Variants in PRUNE2 observed in about 807,000 individuals in gnomAD.
PRUNE2 encodes the protein protein prune homolog 2.
PRUNE2 carries 164 observed loss-of-function variants against 252.0 expected under a neutral mutation model. The observed-to-expected ratio is 0.65, with a 90% confidence interval of 0.57 to 0.74. The LOEUF is 0.74. PRUNE2 is among the 30% of genes least tolerant of loss of function. PRUNE2 has a pLI of 0.00. For missense variants in PRUNE2, 3,495 were observed against 3,711.0 expected (o/e 0.94, Z 1.51); for synonymous variants, 1,292 against 1,350.2 (o/e 0.96, Z 0.94).
rs1369870340 is a variant in PRUNE2, at chr9:76,611,896, G to T, written c.*2674C>A. On this transcript the variant is annotated 3_prime_UTR_variant, in exon 19 of 19. Coordinates refer to ENST00000376718, the MANE Select transcript of PRUNE2 (RefSeq NM_015225.3). ...AATGCTTTTGCCCCAATGACCCCTT[G>T]GTTCCCTTAACTACAGATCTATAGG... 2.0e-5 allele frequency: 3 copies of T among 152,564 alleles called. No individual in the cohort carries two copies. The highest frequency in any genetic ancestry group is 6.5e-5 in the Admixed American group (1 of 15,274). 9.5% of individuals were successfully genotyped at this position (152,564 alleles called of 1,614,324 possible).
chr9:76,860,201 C>G (rs943617008), intron 1 of PRUNE2, among the ~76,000 whole-genome samples: 1 of 152,148 alleles, frequency 6.6e-6, no homozygotes, highest in Non-Finnish European at 1.5e-5. Flanking sequence ...AGACCAGTTA[C>G]TTAGGTTTTA....
chr9:76,796,900 A>C (rs1219547850), intron 6 of PRUNE2, among the ~76,000 whole-genome samples: 1 of 152,212 alleles, frequency 6.6e-6, no homozygotes, highest in Admixed American at 6.5e-5. Context: ...TGAAACATTC[A>C]TTCTTCTTGG....
At chr9:76,791,119 T>G (rs930445322) in intron 6 of PRUNE2, among the ~76,000 whole-genome samples, 1 of 152,206 alleles carries the variant, frequency 6.6e-6, no homozygotes, top group Non-Finnish European at 1.5e-5. Context: ...GGCACAAACT[T>G]TCAGCTATGT....
In PRUNE2 at chr9:76,902,939, C is replaced by T. The variant is rs551941729; in HGVS notation, c.36+2989G>A. 8.5e-4 allele frequency among the ~76,000 whole-genome samples: 129 copies of T among 152,266 alleles called. 1 individual carries two copies. In the Middle Eastern group the frequency reaches 0.01, roughly 12 times the overall value. ...GATGGGATTATGTCAGTGAATCTGC[C>T]TCAATTTAAAGAGTAGTAGGGCCAG... On this transcript the variant is annotated intron_variant, in intron 1 of 18. Coordinates refer to ENST00000376718, the MANE Select transcript of PRUNE2 (RefSeq NM_015225.3).
chr9:76,866,120 G>A (rs1310167735), intron 1 of PRUNE2, among the ~76,000 whole-genome samples: 1 of 152,158 alleles, frequency 6.6e-6, no homozygotes, highest in Non-Finnish European at 1.5e-5. Context: ...AACATGACTT[G>A]CTATTAGTAC....
intron 6 of PRUNE2, among the ~76,000 whole-genome samples, chr9:76,822,284 T>C (rs1281499304): frequency 6.6e-6 from 1 of 152,218 alleles, no homozygotes; most frequent in Non-Finnish European, 1.5e-5. Context: ...AATGAGAACA[T>C]GCTCTGTAAA....
intron 2 of PRUNE2, among the ~76,000 whole-genome samples, chr9:76,853,519 T>C (rs1451895407): frequency 6.6e-6 from 1 of 152,208 alleles, no homozygotes; most frequent in South Asian, 2.1e-4. Context: ...CATCATATGC[T>C]TCACAGAATA....
At chr9:76,823,197 G>C (rs1403853233) in intron 6 of PRUNE2, 1 of 152,584 alleles carries the variant, frequency 6.6e-6, no homozygotes, top group Admixed American at 6.5e-5. Flanking sequence ...TTACCAAAAT[G>C]GCATGCATTC....
intron 9 of PRUNE2, among the ~76,000 whole-genome samples, chr9:76,696,274 C>T (rs511545): frequency 0.5 from 75,435 of 151,922 alleles, 20,242 homozygotes; most frequent in Middle Eastern, 0.67. Flanking sequence ...GTTAACTAAT[C>T]GTGCACAGGA....
At chr9:76,806,404 T>G (rs1004361640) in intron 6 of PRUNE2, among the ~76,000 whole-genome samples, 9 of 152,340 alleles carry the variant, frequency 5.9e-5, no homozygotes, top group South Asian at 2.1e-4. Flanking sequence ...GCAGAAAGAC[T>G]CTAAGGTTTT....
At chr9:76,828,094 A>G (rs1013092801) in intron 4 of PRUNE2, among the ~76,000 whole-genome samples, 1 of 152,226 alleles carries the variant, frequency 6.6e-6, no homozygotes, top group African/African-American at 2.4e-5. Context: ...ATAGCAGAGA[A>G]TAAGAAATAT....
At chr9:76,686,129 A>C (rs1218000045) in intron 9 of PRUNE2, among the ~76,000 whole-genome samples, 1 of 152,238 alleles carries the variant, frequency 6.6e-6, no homozygotes, top group Non-Finnish European at 1.5e-5. Context: ...TCATTTAACC[A>C]TCTCTTTTTC....
chr9:76,662,407 C>T (rs927019094), intron 9 of PRUNE2, among the ~76,000 whole-genome samples: 6 of 152,210 alleles, frequency 3.9e-5, no homozygotes, highest in African/African-American at 1.2e-4. Flanking sequence ...GAATGAAGGA[C>T]AACAAATGCA....
At chr9:76,836,301 C>T (rs1241907354) in intron 4 of PRUNE2, among the ~76,000 whole-genome samples, 1 of 150,820 alleles carries the variant, frequency 6.6e-6, no homozygotes, top group Non-Finnish European at 1.5e-5. Flanking sequence ...CCAACTTTAG[C>T]CACCATGACT....
chr9:76,835,368 A>G (rs1358672106), intron 4 of PRUNE2, among the ~76,000 whole-genome samples: 1 of 152,106 alleles, frequency 6.6e-6, no homozygotes, highest in Admixed American at 6.5e-5. Context: ...ACAGAGAGAA[A>G]GAGGGAGGAG....
intron 9 of PRUNE2, among the ~76,000 whole-genome samples, chr9:76,679,644 C>A (rs570312119): frequency 5.4e-4 from 82 of 152,092 alleles, no homozygotes; most frequent in African/African-American, 1.9e-3. Context: ...CTGGATGAGA[C>A]TCTAAAATAA....
At chr9:76,671,334 G>A (rs368502663) in intron 9 of PRUNE2, among the ~76,000 whole-genome samples, 10,302 of 148,180 alleles carry the variant, frequency 0.07, 469 homozygotes, top group South Asian at 0.11. Context: ...GAAATGAAGC[G>A]AGAAGGGAAG....
At chr9:76,631,755 G>A (rs575586388) in intron 15 of PRUNE2, among the ~76,000 whole-genome samples, 111 of 152,306 alleles carry the variant, frequency 7.3e-4, no homozygotes, top group African/African-American at 2.6e-3. Flanking sequence ...TTGATGTACA[G>A]ATTATTTTGT....
In PRUNE2 at chr9:76,854,161, T is replaced by C. The variant is rs1319972275; in HGVS notation, c.84A>G (p.Lys28=). The change falls in exon 2 of 19, where the codon AAA becomes AAG. Residue 28 remains lysine (K), a synonymous_variant. Transcript: ENST00000376718. ...AAATGAGAGAATCCAAGTCACACGA[T>C]TTAGGCCCAATAACCACATGGACCT... The part of the protein sequence containing the change: ...LEKVHVVIGP[K]SCDLDSLIST... 1 of 1,606,552 alleles carries C rather than the reference T, an allele frequency of 6.2e-7. No homozygotes were observed. Among genetic ancestry groups the C allele is most frequent in the Non-Finnish European group, 8.5e-7 (1 of 1,175,066 alleles).
Sources: allele counts gnomAD v4.1 joint callset (sites outside exome capture counted in the v4.1 genomes callset), GRCh38; gene constraint gnomAD v4.1.1; transcripts MANE v1.5; gene names NCBI Gene and HGNC (gene_info 2026-07-23, HGNC 2026-07-21).